ATRNL1: variants seen among roughly 807,000 people sequenced by gnomAD.
ATRNL1 encodes attractin like 1.
ATRNL1 carries 95 observed loss-of-function variants against 182.7 expected under a neutral mutation model. The observed-to-expected ratio is 0.52, with a 90% confidence interval of 0.44 to 0.62. ATRNL1 has a LOEUF of 0.62. ATRNL1 is among the 20% of genes least tolerant of loss of function. ATRNL1 has a pLI of 0.00. For synonymous variants in ATRNL1, 576 were observed against 568.3 expected (o/e 1.01, Z -0.19); for missense variants, 1,471 against 1,679.5 (o/e 0.88, Z 2.17).
At chr10:115,195,514 C>T (rs1031032126) in intron 8 of ATRNL1, among the ~76,000 whole-genome samples, 1 of 152,038 alleles carries the variant, frequency 6.6e-6, no homozygotes, top group Non-Finnish European at 1.5e-5. Flanking sequence ...CCTCTTTTCT[C>T]TGCTGCTTTT....
At chr10:115,114,983 G>A (rs1349640142) in intron 1 of ATRNL1, among the ~76,000 whole-genome samples, 2 of 151,936 alleles carry the variant, frequency 1.3e-5, no homozygotes, top group African/African-American at 4.8e-5. Context: ...AACAACCTAA[G>A]TGCCCACCAA....
Position 115,944,704 on chromosome 10 carries a change from T to C in ATRNL1, c.4065T>C (p.Ala1355=), listed in dbSNP as rs1555125054. ...SALIDISQQK[A]SDSKDKTSGV... ...TAATAGATATTTCACAACAGAAAGC[T>C]TCAGATAGTAAAGATAAGACTTCTG... The change falls in exon 29 of 29, where the codon GCT becomes GCC. Residue 1355 remains alanine (A), a synonymous_variant. Transcript: ENST00000355044. The C allele has an allele frequency of 6.2e-7, 1 of 1,613,454 alleles. No individual in the cohort carries two copies. The highest frequency in any genetic ancestry group is 1.7e-5 in the Admixed American group (1 of 59,992).
intron 19 of ATRNL1, among the ~76,000 whole-genome samples, chr10:115,387,352 A>G (rs1858422034): frequency 1.3e-5 from 2 of 152,176 alleles, no homozygotes; most frequent in South Asian, 2.1e-4. Context: ...GTGTGTCTCT[A>G]TAACTATCTC....
intron 19 of ATRNL1, among the ~76,000 whole-genome samples, chr10:115,392,555 C>T (rs1203240257): frequency 6.6e-6 from 1 of 152,122 alleles, no homozygotes; most frequent in Admixed American, 6.6e-5. Context: ...GTATTTTCCT[C>T]CTTTCCTGGC....
chr10:115,632,864 T>TATTTTATTTTATTTTATTTTA (rs1555026862), intron 26 of ATRNL1, among the ~76,000 whole-genome samples: 1 of 136,532 alleles, frequency 7.3e-6, no homozygotes, highest in Non-Finnish European at 1.6e-5. Flanking sequence ...TCACATTAAC[T>TATTTTATTTTATTTTATTTTA]TTTTATTTTA....
chr10:115,737,517 G>C (rs2134087362), intron 27 of ATRNL1, among the ~76,000 whole-genome samples: 1 of 151,814 alleles, frequency 6.6e-6, no homozygotes, highest in African/African-American at 2.4e-5. Flanking sequence ...ATCTGTAGTT[G>C]TCTCCTCTGG....
intron 24 of ATRNL1, among the ~76,000 whole-genome samples, chr10:115,515,480 A>G (rs1273985675): frequency 6.6e-6 from 1 of 151,756 alleles, no homozygotes. Context: ...TTTTGGCCAT[A>G]TGTGAAATTA....
intron 25 of ATRNL1, among the ~76,000 whole-genome samples, chr10:115,546,430 G>A (rs1156531150): frequency 1.3e-5 from 2 of 151,894 alleles, no homozygotes; most frequent in African/African-American, 4.8e-5. Context: ...AGTGGGCGTG[G>A]TGGCGCACAT....
intron 28 of ATRNL1, among the ~76,000 whole-genome samples, chr10:115,918,354 T>G (rs530004495): frequency 1.3e-5 from 2 of 152,218 alleles, no homozygotes; most frequent in South Asian, 4.2e-4. Flanking sequence ...CCGCCCACCT[T>G]GGCCTCGCAA....
At chr10:115,519,168 T>A in intron 24 of ATRNL1, 95 bp from the exon 25 acceptor site, 1 of 1,029,406 alleles carries the variant, frequency 9.7e-7, no homozygotes. Context: ...AATGTCTTGG[T>A]GATTTAGAAA....
intron 26 of ATRNL1, among the ~76,000 whole-genome samples, chr10:115,671,392 A>G (rs61707579): frequency 0.01 from 1,564 of 152,268 alleles, 30 homozygotes; most frequent in African/African-American, 0.036. Context: ...TCTAATATAA[A>G]AGATTTCCAA....
intron 27 of ATRNL1, among the ~76,000 whole-genome samples, chr10:115,765,985 G>A (rs11197440): frequency 1.1e-3 from 4 of 3,534 alleles, no homozygotes; most frequent in African/African-American, 1.2e-3. Context: ...TCCCCCCCCC[G>A]GCTCACTAAA....
intron 26 of ATRNL1, among the ~76,000 whole-genome samples, chr10:115,636,322 A>G (rs1224238202): frequency 4.6e-5 from 7 of 152,144 alleles, no homozygotes; most frequent in Non-Finnish European, 7.4e-5. Context: ...CCACATCCCT[A>G]TCTCACAGAG....
At position 115,154,970 on chromosome 10, in the gene ATRNL1, A is replaced by G. The variant is rs1004523033; in HGVS notation, c.830-5070A>G. On this transcript the variant is annotated intron_variant, in intron 5 of 28. Transcript: ENST00000355044. Reference sequence around the variant, plus strand: ...TTAAATGTAATAATGTTTGCTTTATATGTCTAGGTGCTCCAGTGATGGCTA... The same window carrying G: ...TTAAATGTAATAATGTTTGCTTTATGTGTCTAGGTGCTCCAGTGATGGCTA... Among the ~76,000 whole-genome samples the G allele has an allele frequency of 2.0e-5, 3 of 152,254 alleles. No homozygotes were observed. The South Asian group carries it at 6.2e-4, about 32-fold the overall frequency.
At chr10:115,562,914 C>A (rs1229020139) in intron 26 of ATRNL1, among the ~76,000 whole-genome samples, 4 of 152,130 alleles carry the variant, frequency 2.6e-5, no homozygotes, top group Admixed American at 2.6e-4. Context: ...CAAAAACTTA[C>A]ATGGAAATGC....
intron 26 of ATRNL1, among the ~76,000 whole-genome samples, chr10:115,651,018 C>T (rs1214881406): frequency 6.6e-6 from 1 of 152,122 alleles, no homozygotes; most frequent in African/African-American, 2.4e-5. Context: ...TGCTTCAATA[C>T]ATATACTTAG....
chr10:115,294,210 A>G (rs2133959005), intron 15 of ATRNL1, among the ~76,000 whole-genome samples: 1 of 152,312 alleles, frequency 6.6e-6, no homozygotes, highest in Admixed American at 6.5e-5. Context: ...CTAGCTGGGC[A>G]TGGTGGTGTG....
intron 24 of ATRNL1, among the ~76,000 whole-genome samples, chr10:115,499,352 T>C (rs1442535898): frequency 6.6e-6 from 1 of 152,226 alleles, no homozygotes; most frequent in African/African-American, 2.4e-5. Flanking sequence ...TGTTTTCTAG[T>C]ACAGCTTGAC....
At chr10:115,638,685 G>A (rs2769417) in intron 26 of ATRNL1, among the ~76,000 whole-genome samples, 43,457 of 151,962 alleles carry the variant, frequency 0.29, 7,128 homozygotes, top group East Asian at 0.58. Flanking sequence ...TGAACATGGC[G>A]AATTTTATGG....
Sources: gnomAD v4.1 joint callset for allele counts (sites outside exome capture counted in the v4.1 genomes callset) on GRCh38, gnomAD v4.1.1 for gene constraint, MANE v1.5 for transcripts, NCBI Gene and HGNC (gene_info 2026-07-23, HGNC 2026-07-21) for gene names.